SLC39A11: variants seen among roughly 807,000 people sequenced by gnomAD.
SLC39A11 encodes the protein zinc transporter ZIP11.
SLC39A11 carries 33 observed loss-of-function variants against 36.1 expected under a neutral mutation model. The ratio of observed to expected loss-of-function variants is 0.91; its 90% CI spans 0.69 to 1.22. The LOEUF is 1.22. Ranked by LOEUF, SLC39A11 falls within the 50% of genes most tolerant of loss-of-function variation. SLC39A11 has a pLI of 0.00. For synonymous variants in SLC39A11, 166 were observed against 170.3 expected (o/e 0.97, Z 0.20); for missense variants, 432 against 430.3 (o/e 1.00, Z -0.03).
intron 4 of SLC39A11, among the ~76,000 whole-genome samples, chr17:72,982,537 T>C (rs2088404219): frequency 6.6e-6 from 1 of 152,242 alleles, no homozygotes; most frequent in East Asian, 1.9e-4. Flanking sequence ...GGTCAACTGA[T>C]AAAAGTTCTG....
At chr17:73,025,842 T>G (rs2058517077) in intron 4 of SLC39A11, among the ~76,000 whole-genome samples, 1 of 152,160 alleles carries the variant, frequency 6.6e-6, no homozygotes, top group African/African-American at 2.4e-5. Flanking sequence ...GGGCTGGGCG[T>G]GGTGGCTCAC....
chr17:73,070,924 T>C (rs550318800), intron 3 of SLC39A11, among the ~76,000 whole-genome samples: 3 of 152,296 alleles, frequency 2.0e-5, no homozygotes, highest in East Asian at 3.9e-4. Context: ...GTCTCCCGTA[T>C]GTCTTTATCA....
chr17:72,935,239 G>C (rs2147498453), intron 5 of SLC39A11, among the ~76,000 whole-genome samples: 1 of 152,328 alleles, frequency 6.6e-6, no homozygotes, highest in South Asian at 2.1e-4. Context: ...TGAAATGCAT[G>C]ACGCCAAGTA....
chr17:73,040,624 T>C (rs2059073978), intron 3 of SLC39A11, among the ~76,000 whole-genome samples: 1 of 152,224 alleles, frequency 6.6e-6, no homozygotes, highest in Non-Finnish European at 1.5e-5. Flanking sequence ...AGAAATTCCC[T>C]GTATTATTTT....
chr17:72,991,362 A>T (rs1047072643), intron 4 of SLC39A11, among the ~76,000 whole-genome samples: 1 of 146,168 alleles, frequency 6.8e-6, no homozygotes, highest in Non-Finnish European at 1.5e-5. Context: ...TTATTTTTTA[A>T]TTTTTTTTTT....
intron 5 of SLC39A11, among the ~76,000 whole-genome samples, chr17:72,915,050 T>C (rs923581280): frequency 7.2e-5 from 11 of 152,264 alleles, no homozygotes; most frequent in African/African-American, 2.2e-4. Context: ...ATGTTCGCTG[T>C]CCTGACCGGA....
chr17:72,653,987 A>G (rs1473235443), intron 7 of SLC39A11, among the ~76,000 whole-genome samples: 2 of 152,172 alleles, frequency 1.3e-5, no homozygotes, highest in East Asian at 3.8e-4. Context: ...CTAGCTACAG[A>G]TGTTTAGGAA....
chr17:72,941,594 G>A (rs1567990912), intron 5 of SLC39A11, among the ~76,000 whole-genome samples: 2 of 149,982 alleles, frequency 1.3e-5, no homozygotes, highest in African/African-American at 2.5e-5. Flanking sequence ...CAGATAAAGT[G>A]CTATTTGAGT....
At chr17:73,092,224 G>A (rs1309698360) in intron 1 of SLC39A11, 2 of 152,294 alleles carry the variant, frequency 1.3e-5, no homozygotes, top group Non-Finnish European at 2.9e-5. Context: ...CAGAGCAAGT[G>A]GGAGGGGCCT....
intron 6 of SLC39A11, among the ~76,000 whole-genome samples, chr17:72,765,391 A>C (rs2075725803): frequency 6.6e-6 from 1 of 152,168 alleles, no homozygotes; most frequent in African/African-American, 2.4e-5. Context: ...TCCTTGAAAA[A>C]TCCTAGCCTC....
chr17:73,042,575 C>T (rs2059145033), intron 3 of SLC39A11, among the ~76,000 whole-genome samples: 1 of 152,188 alleles, frequency 6.6e-6, no homozygotes, highest in African/African-American at 2.4e-5. Flanking sequence ...CCAAGGCAGG[C>T]AGATCGCCTG....
intron 7 of SLC39A11, among the ~76,000 whole-genome samples, chr17:72,661,556 TTATCATCTTGCCGTGAA>T (rs1272747875): frequency 6.6e-6 from 1 of 152,196 alleles, no homozygotes; most frequent in Non-Finnish European, 1.5e-5. Context: ...GTTTTGATTG[TTATCATCTTGCCGTGAA>T]AGGCCTGATT....
At chr17:72,789,775 A>G (rs1392989289) in intron 6 of SLC39A11, among the ~76,000 whole-genome samples, 1 of 152,242 alleles carries the variant, frequency 6.6e-6, no homozygotes, top group African/African-American at 2.4e-5. Flanking sequence ...AGGCATCAAT[A>G]TCCAGGCCGA....
At chr17:72,737,165 A>G (rs1455484898) in intron 6 of SLC39A11, among the ~76,000 whole-genome samples, 2 of 151,860 alleles carry the variant, frequency 1.3e-5, no homozygotes, top group Non-Finnish European at 2.9e-5. Context: ...AATCCCAGCG[A>G]CTCGAGAGGC....
chr17:72,915,612 C>G (rs1030580622), intron 5 of SLC39A11, among the ~76,000 whole-genome samples: 1 of 152,212 alleles, frequency 6.6e-6, no homozygotes, highest in Admixed American at 6.5e-5. Flanking sequence ...ACCGTGCTGG[C>G]CTTTCTCCAG....
At chr17:72,989,357 G>T (rs1340925294) in intron 4 of SLC39A11, among the ~76,000 whole-genome samples, 2 of 152,160 alleles carry the variant, frequency 1.3e-5, no homozygotes, top group Non-Finnish European at 2.9e-5. Flanking sequence ...GCAATGAAAT[G>T]ATTTTACCAA....
chr17:72,654,898 G>A (rs562730662), intron 7 of SLC39A11, among the ~76,000 whole-genome samples: 9 of 152,288 alleles, frequency 5.9e-5, no homozygotes, highest in Admixed American at 3.3e-4. Context: ...GCCATCGCCC[G>A]GCGGGCTGTG....
intron 7 of SLC39A11, among the ~76,000 whole-genome samples, chr17:72,682,128 G>A (rs7216818): frequency 1.3e-5 from 2 of 152,082 alleles, no homozygotes; most frequent in African/African-American, 2.4e-5. Context: ...TGTGATGATC[G>A]GTCACTGTCC....
At chr17:72,799,027 A>G (rs1005943574) in intron 6 of SLC39A11, among the ~76,000 whole-genome samples, 4 of 151,202 alleles carry the variant, frequency 2.6e-5, no homozygotes, top group African/African-American at 9.9e-5. Flanking sequence ...GGAGCTGGCA[A>G]GGTTTTGACT....
Sources: gnomAD v4.1 joint callset for allele counts (sites outside exome capture counted in the v4.1 genomes callset) on GRCh38, gnomAD v4.1.1 for gene constraint, MANE v1.5 for transcripts, NCBI Gene and HGNC (gene_info 2026-07-23, HGNC 2026-07-21) for gene names.